KCNMB2: variants seen among roughly 807,000 people sequenced by gnomAD.
The protein encoded by KCNMB2 is potassium calcium-activated channel subfamily M regulatory beta subunit 2.
Under a neutral mutation model 24.5 loss-of-function variants are expected in KCNMB2, and 9 were observed. That is an observed-to-expected ratio of 0.37 (90% CI 0.22 to 0.64). The LOEUF (loss-of-function observed/expected upper bound fraction) is 0.64, where lower values mean the gene tolerates loss of function less well. KCNMB2 is among the 30% of genes least tolerant of loss of function. KCNMB2 has a pLI of 0.63. For missense variants in KCNMB2, 226 were observed against 284.3 expected (o/e 0.79, Z 1.47); for synonymous variants, 109 against 104.4 (o/e 1.04, Z -0.27).
At chr3:178,735,856 C>T (rs766390572) in intron 1 of KCNMB2, among the ~76,000 whole-genome samples, 8 of 152,100 alleles carry the variant, frequency 5.3e-5, no homozygotes, top group Admixed American at 2.6e-4. Flanking sequence ...GAGTCAGCAC[C>T]GTGCTTGATG....
intron 1 of KCNMB2, among the ~76,000 whole-genome samples, chr3:178,570,515 C>CTTTTTTT (rs200106452): frequency 3.4e-3 from 385 of 114,470 alleles, no homozygotes; most frequent in Middle Eastern, 5.3e-3. Flanking sequence ...GTAATGATAC[C>CTTTTTTT]TTTTTTTTTT....
chr3:178,723,289 A>T (rs1362883871), intron 1 of KCNMB2, among the ~76,000 whole-genome samples: 2 of 152,150 alleles, frequency 1.3e-5, no homozygotes, highest in Non-Finnish European at 2.9e-5. Context: ...AATTGTACTA[A>T]ATCTATGAAT....
chr3:178,725,178 C>A (rs375804828), intron 1 of KCNMB2, among the ~76,000 whole-genome samples: 1 of 152,060 alleles, frequency 6.6e-6, no homozygotes, highest in Non-Finnish European at 1.5e-5. Flanking sequence ...TTTGTGTCAT[C>A]TCTGATTTGT....
At chr3:178,840,239 G>C (rs1320050670) in intron 4 of KCNMB2, among the ~76,000 whole-genome samples, 4 of 152,206 alleles carry the variant, frequency 2.6e-5, no homozygotes, top group Admixed American at 2.6e-4. Context: ...ACTGATGCAA[G>C]AGATGGGTTC....
At chr3:178,781,252 A>G (rs74554691) in intron 1 of KCNMB2, among the ~76,000 whole-genome samples, 4,542 of 152,246 alleles carry the variant, frequency 0.03, 234 homozygotes, top group African/African-American at 0.1. Context: ...AGATATTAAG[A>G]AGATATTTTT....
At chr3:178,651,952 T>C (rs1236160489) in intron 1 of KCNMB2, among the ~76,000 whole-genome samples, 2 of 152,128 alleles carry the variant, frequency 1.3e-5, no homozygotes, top group African/African-American at 4.8e-5. Flanking sequence ...ACATCAGACC[T>C]TAAACCATAA....
chr3:178,556,757 T>A (rs771727149), intron 1 of KCNMB2, among the ~76,000 whole-genome samples: 6 of 152,162 alleles, frequency 3.9e-5, no homozygotes, highest in African/African-American at 1.4e-4. Flanking sequence ...ACCAGGAGAA[T>A]GCAGAATCAC....
chr3:178,721,802 C>T (rs1216752305), intron 1 of KCNMB2, among the ~76,000 whole-genome samples: 1 of 152,200 alleles, frequency 6.6e-6, no homozygotes, highest in Non-Finnish European at 1.5e-5. Context: ...CTTATTTTGG[C>T]TTGAACTCAC....
intron 1 of KCNMB2, among the ~76,000 whole-genome samples, chr3:178,704,172 AT>A (rs1241481272): frequency 2.0e-5 from 3 of 152,092 alleles, no homozygotes; most frequent in Non-Finnish European, 4.4e-5. Flanking sequence ...CATTGTAAAA[AT>A]TGACATGCCC....
At chr3:178,759,975 T>G (rs192734203) in intron 1 of KCNMB2, among the ~76,000 whole-genome samples, 3 of 44,196 alleles carry the variant, frequency 6.8e-5, no homozygotes, top group Non-Finnish European at 7.4e-5. Context: ...TATATATATA[T>G]ATATATCCAA....
At chr3:178,832,087 T>C (rs948817012) in intron 4 of KCNMB2, among the ~76,000 whole-genome samples, 2 of 152,184 alleles carry the variant, frequency 1.3e-5, no homozygotes, top group Non-Finnish European at 2.9e-5. Flanking sequence ...TTATTATTCG[T>C]ATTCCTTTAT....
In KCNMB2 at chr3:178,789,497, G is replaced by A. The variant is rs989707094; in HGVS notation, c.-67-17846G>A. On this transcript the variant is annotated intron_variant, in intron 1 of 4. Transcript: ENST00000452583. The stretch of plus-strand genomic sequence containing the variant: ...GTTTTAAAATCATAACAAGGAAAGC[G>A]CATTGAAAAGGGTAGGAAAAACAGT... Among the ~76,000 whole-genome samples, 5 of 152,290 alleles carry A rather than the reference G, an allele frequency of 3.3e-5. No homozygotes were observed. The East Asian group carries it at 5.8e-4, about 18-fold the overall frequency.
intron 1 of KCNMB2, among the ~76,000 whole-genome samples, chr3:178,587,616 T>G (rs1048517242): frequency 3.3e-5 from 5 of 150,870 alleles, no homozygotes; most frequent in African/African-American, 1.2e-4. Flanking sequence ...TTTTTTTTTT[T>G]TGTATTTTTA....
intron 1 of KCNMB2, among the ~76,000 whole-genome samples, chr3:178,538,904 A>G (rs191199850): frequency 6.6e-6 from 1 of 152,324 alleles, no homozygotes; most frequent in Non-Finnish European, 1.5e-5. Flanking sequence ...ACATTTTGAG[A>G]TATCTTTTTC....
chr3:178,557,883 A>C (rs971905414), intron 1 of KCNMB2, among the ~76,000 whole-genome samples: 2 of 152,180 alleles, frequency 1.3e-5, no homozygotes, highest in African/African-American at 4.8e-5. Context: ...TCAAACAGCA[A>C]GTTAGCAACA....
At chr3:178,816,750 T>C (rs553051547) in intron 2 of KCNMB2, among the ~76,000 whole-genome samples, 4 of 152,266 alleles carry the variant, frequency 2.6e-5, no homozygotes, top group East Asian at 3.9e-4. Flanking sequence ...CTTTGTACTA[T>C]GGTTTTACTT....
Position 178,830,406 on chromosome 3 carries a change from T to G in KCNMB2, c.423+2033T>G, listed in dbSNP as rs192725953. On this transcript the variant is annotated intron_variant, in intron 4 of 4. Transcript: ENST00000452583. ...ATAGTTTGGGACTACTACAAGTAAT[T>G]CTACCATGAATATTCTCATATATGT... Among the ~76,000 whole-genome samples, 63 of 152,264 alleles carry G rather than the reference T, an allele frequency of 4.1e-4. 2 individuals are homozygous for G. Among genetic ancestry groups the G allele is most frequent in the African/African-American group, 1.4e-3 (58 of 41,560 alleles).
chr3:178,665,412 A>C (rs925046855), intron 1 of KCNMB2, among the ~76,000 whole-genome samples: 4 of 152,182 alleles, frequency 2.6e-5, no homozygotes, highest in Non-Finnish European at 5.9e-5. Flanking sequence ...CTGGCAACCC[A>C]GCAAATAAAC....
chr3:178,757,398 A>C lies in KCNMB2; in HGVS notation c.-67-49945A>C, dbSNP rs1183016366. Reference sequence around the variant, plus strand: ...TCCAAGAGGATATATATATATGTATATATATCCAAGAGGATATATATATAT... The same window carrying C: ...TCCAAGAGGATATATATATATGTATCTATATCCAAGAGGATATATATATAT... On this transcript the variant is annotated intron_variant, in intron 1 of 4. Transcript: ENST00000452583. Among the ~76,000 whole-genome samples the C allele has an allele frequency of 1.0e-3, 71 of 70,334 alleles. 4 individuals carry two copies. Among genetic ancestry groups the C allele is most frequent in the African/African-American group, 4.2e-3 (68 of 16,144 alleles). 46.1% of individuals were successfully genotyped at this position (70,334 alleles called of 152,430 possible).
Sources: allele counts gnomAD v4.1 joint callset (sites outside exome capture counted in the v4.1 genomes callset), GRCh38; gene constraint gnomAD v4.1.1; transcripts MANE v1.5; gene names NCBI Gene and HGNC (gene_info 2026-07-23, HGNC 2026-07-21).